Variants in FLG observed in about 807,000 individuals in gnomAD.
FLG encodes the protein epidermal filaggrin.
A neutral mutation model predicts 3.8 loss-of-function variants in FLG; 6 were observed. The observed-to-expected ratio is 1.60, with a 90% CI of 0.87 to 3.15. The LOEUF (loss-of-function observed/expected upper bound fraction) is 3.15, where lower values mean the gene tolerates loss of function less well. Ranked by LOEUF, FLG falls within the 30% of genes most tolerant of loss-of-function variation. FLG has a pLI of 0.00. For missense variants in FLG, 7,595 were observed against 5,050.9 expected (o/e 1.50, Z -15.27); for synonymous variants, 2,551 against 1,931.6 (o/e 1.32, Z -8.41).
In FLG at chr1:152,313,639, C is replaced by T. The variant is rs771978807; in HGVS notation, c.1247G>A (p.Gly416Glu). ...GTCACTGGCCTGACTACCGCTAGAC[C>T]CCCGGTGTCCACGATCGCTGACTGC... ...SSAVSDRGHR[G>E]SSGSQASDSE... is the part of the protein sequence containing the mutation. The change falls in exon 3 of 3, where the codon GGG (glycine) becomes GAG (glutamate). Residue 416 changes from glycine (G) to glutamate (E), a missense_variant. Coordinates refer to ENST00000368799, the MANE Select transcript of FLG (RefSeq NM_002016.2). 5.0e-6 allele frequency: 8 copies of T among 1,613,940 alleles called. No individual in the cohort carries two copies. Among genetic ancestry groups the T allele is most frequent in the African/African-American group, 2.7e-5 (2 of 74,858 alleles).
chr1:152,303,284 C>T lies in FLG; in HGVS notation c.11602G>A (p.Asp3868Asn). 2 of 1,614,146 alleles carry T rather than the reference C, an allele frequency of 1.2e-6. No homozygotes were observed. The highest frequency in any genetic ancestry group is 8.5e-7 in the Non-Finnish European group (1 of 1,180,032). ...GAGTCCTCTGGGTATGCCTCACTGT[C>T]ACTGTCCTGGCTAACACTGGATCCC... ...RQGSSVSQDS[D>N]SEAYPEDSER... The change falls in exon 3 of 3, where the codon GAC (aspartate) becomes AAC (asparagine). Residue 3868 changes from aspartate (D) to asparagine (N), a missense_variant. Transcript: ENST00000368799.
chr1:152,307,997 C>G lies in FLG; in HGVS notation c.6889G>C (p.Glu2297Gln). 1 of 1,614,208 alleles carries G rather than the reference C, an allele frequency of 6.2e-7. No individual in the cohort carries two copies. The highest frequency in any genetic ancestry group is 8.5e-7 in the Non-Finnish European group (1 of 1,180,046). ...EDRAGHGHSAESSRQSGTHHA... is the reference protein window; with the variant it reads ...EDRAGHGHSAQSSRQSGTHHA... Reference sequence around the variant, plus strand: ...TGAGTGCCTGATTGTCTGGAGCTCTCTGCAGAGTGCCCATGACCGGCTCTG... The same window carrying G: ...TGAGTGCCTGATTGTCTGGAGCTCTGTGCAGAGTGCCCATGACCGGCTCTG... Residue 2297 changes from glutamate (E) to glutamine (Q), a missense_variant, in exon 3 of 3, where the codon GAG (glutamate) becomes CAG (glutamine). Glu to Gln is a conservative substitution (Grantham distance 29, BLOSUM62 2). Transcript: ENST00000368799.
In FLG at chr1:152,311,659, C is replaced by G. The variant is rs776330929; in HGVS notation, c.3227G>C (p.Gly1076Ala). Reference protein sequence around the residue: ...SSGSQASDSEGHSEESDTQSV... With the variant: ...SSGSQASDSEAHSEESDTQSV... ...CTGTGTGTCTGACTCCTCTGAATGTCCCTCACTATCACTGGCCTGACTACC... is the reference window on the plus strand; with the variant it reads ...CTGTGTGTCTGACTCCTCTGAATGTGCCTCACTATCACTGGCCTGACTACC... Residue 1076 changes from glycine to alanine, a missense_variant, in exon 3 of 3, where the codon GGA (glycine) becomes GCA (alanine). Transcript: ENST00000368799. 1 of 1,614,162 alleles carries G rather than the reference C, an allele frequency of 6.2e-7. No individual in the cohort carries two copies. The highest frequency in any genetic ancestry group is 8.5e-7 in the Non-Finnish European group (1 of 1,180,026).
Position 152,309,476 on chromosome 1 carries a change from A to G in FLG, c.5410T>C (p.Ser1804Pro). Residue 1804 changes from serine (S) to proline (P), a missense_variant, in exon 3 of 3, where the codon TCA (serine) becomes CCA (proline). Physicochemically the swap from Ser to Pro is moderately conservative, Grantham distance 74. Transcript: ENST00000368799. ...GTGTCCTGACCCTCTTGGGACGCTG[A>G]GTGCCTGGAGCTGTCTCGTGCCTGC... The part of the protein sequence containing the change: ...HEQARDSSRH[S>P]ASQEGQDTIR... The G allele has an allele frequency of 6.2e-7, 1 of 1,613,722 alleles. No homozygotes were observed. Among genetic ancestry groups the G allele is most frequent in the Non-Finnish European group, 8.5e-7 (1 of 1,179,942 alleles).
rs767171957 is a variant in FLG at position 152,308,881 on chromosome 1, C to T, written c.6005G>A (p.Gly2002Glu). ...SSHEQARSSA[G>E]ERHGSHHQLQ... ...CTGGTGGTGGGATCCATGTCTTTCT[C>T]CTGCACTTGATCTTGCCTGTTCATG... The change falls in exon 3 of 3, where the codon GGA becomes GAA. Residue 2002 changes from glycine to glutamate, a missense_variant. Gly to Glu is a moderately conservative substitution (Grantham distance 98). Coordinates refer to ENST00000368799, the MANE Select transcript of FLG (RefSeq NM_002016.2). The T allele has an allele frequency of 6.8e-6, 11 of 1,614,068 alleles. No individual in the cohort carries two copies. The East Asian group carries it at 2.2e-4, about 33-fold the overall frequency.
intron 1 of FLG, among the ~76,000 whole-genome samples, chr1:152,324,059 T>G (rs1329634841): frequency 2.0e-5 from 3 of 151,482 alleles, no homozygotes; most frequent in South Asian, 2.1e-4. Context: ...ATCAGTGTGA[T>G]GAGAAAACAG....
Position 152,309,433 on chromosome 1 carries a change from C to T in FLG, c.5453G>A (p.Gly1818Glu), listed in dbSNP as rs1570905464. 6.2e-7 allele frequency: 1 copy of T among 1,613,286 alleles called. No individual in the cohort carries two copies. Among genetic ancestry groups the T allele is most frequent in the Admixed American group, 1.7e-5 (1 of 59,912 alleles). The change falls in exon 3 of 3, where the codon GGG becomes GAG. Residue 1818 changes from glycine (G) to glutamate (E), a missense_variant. By Grantham distance (98) the Gly-to-Glu change is moderately conservative (BLOSUM62 -2). Coordinates refer to ENST00000368799, the MANE Select transcript of FLG (RefSeq NM_002016.2). Reference protein sequence around the residue: ...EGQDTIRGHPGSSRGGRQGSH... With the variant: ...EGQDTIRGHPESSRGGRQGSH... Reference sequence around the variant, plus strand: ...TCCCTGCCTTCCTCCTCTGCTTGACCCTGGGTGTCCACGAATGGTGTCCTG... The same window carrying T: ...TCCCTGCCTTCCTCCTCTGCTTGACTCTGGGTGTCCACGAATGGTGTCCTG...
At position 152,309,713 on chromosome 1, in the gene FLG, G is replaced by T. The variant is rs1372035932; in HGVS notation, c.5173C>A (p.His1725Asn). The T allele has an allele frequency of 5.0e-6, 8 of 1,613,914 alleles. No homozygotes were observed. The highest frequency in any genetic ancestry group is 6.8e-6 in the Non-Finnish European group (8 of 1,180,004). ...SGSQASDSEG[H>N]SEESDTQSVS... Reference sequence around the variant, plus strand: ...GACTGTGTGTCTGACTCTTCTGAGTGTCCCTCGCTGTCACTGGCCTGGCTA... The same window carrying T: ...GACTGTGTGTCTGACTCTTCTGAGTTTCCCTCGCTGTCACTGGCCTGGCTA... Residue 1725 changes from histidine to asparagine, a missense_variant, in exon 3 of 3, where the codon CAC becomes AAC. Coordinates refer to ENST00000368799, the MANE Select transcript of FLG (RefSeq NM_002016.2).
In FLG at chr1:152,307,519, T is replaced by G; in HGVS notation, c.7367A>C (p.Gln2456Pro). The G allele has an allele frequency of 8.1e-6, 13 of 1,613,322 alleles. No individual in the cohort carries two copies. The highest frequency in any genetic ancestry group is 1.1e-5 in the Non-Finnish European group (13 of 1,179,742). Residue 2456 changes from glutamine to proline, a missense_variant, in exon 3 of 3, where the codon CAA becomes CCA. Gln to Pro is a moderately conservative substitution (Grantham distance 76). Transcript: ENST00000368799. ...ARDSSRHSTS[Q>P]EGQDTIHGHP... ...TCCATGAATGGTGTCCTGACCCTCT[T>G]GGGACGTTGAGTGCCTGGAGCTGTC...
chr1:152,311,560 C>A lies in FLG; in HGVS notation c.3326G>T (p.Gly1109Val). The A allele has an allele frequency of 6.2e-7, 1 of 1,613,898 alleles. No individual in the cohort carries two copies. The highest frequency in any genetic ancestry group is 8.5e-7 in the Non-Finnish European group (1 of 1,179,980). Residue 1109 changes from glycine (G) to valine (V), a missense_variant, in exon 3 of 3, where the codon GGA becomes GTA. By Grantham distance (109) the Gly-to-Val change is moderately radical. Coordinates refer to ENST00000368799, the MANE Select transcript of FLG (RefSeq NM_002016.2). ...GAAAGACCCTGAACGTCCAGACCTT[C>A]CCCCTGACCAGTCACGTGCGGACTC... ...HQESARDWSG[G>V]RSGRSGSFIY...
chr1:152,311,982 T>A lies in FLG; in HGVS notation c.2904A>T (p.Arg968Ser). 1 of 1,614,078 alleles carries A rather than the reference T, an allele frequency of 6.2e-7. No individual in the cohort carries two copies. The highest frequency in any genetic ancestry group is 8.5e-7 in the Non-Finnish European group (1 of 1,180,000). The stretch of plus-strand genomic sequence containing the variant: ...GCTCCTGAGCAGATCCACGATGGTT[T>A]CTGGAAGCAGACCCAGACCACCTCT... The part of the protein sequence containing the change: ...DSERWSGSAS[R>S]NHRGSAQEQS... Residue 968 changes from arginine (R) to serine (S), a missense_variant, in exon 3 of 3, where the codon AGA becomes AGT. Coordinates refer to ENST00000368799, the MANE Select transcript of FLG (RefSeq NM_002016.2).
chr1:152,304,319 G>T lies in FLG; in HGVS notation c.10567C>A (p.Gln3523Lys). 6.2e-7 allele frequency: 1 copy of T among 1,610,974 alleles called. No homozygotes were observed. The highest frequency in any genetic ancestry group is 1.7e-5 in the Admixed American group (1 of 59,768). ...ADSSRHSQSG[Q>K]GQSAGPRTSR... The stretch of plus-strand genomic sequence containing the variant: ...GTCCTGGGCCCCGCTGATTGTCCCT[G>T]GCCGGACTGTGAGTGTCTAGAGCTG... Residue 3523 changes from glutamine (Q) to lysine (K), a missense_variant, in exon 3 of 3, where the codon CAG becomes AAG. Physicochemically the swap from Gln to Lys is moderately conservative, Grantham distance 53. Coordinates refer to ENST00000368799, the MANE Select transcript of FLG (RefSeq NM_002016.2).
rs137893305 is a variant in FLG, at chr1:152,306,351, T to C, written c.8535A>G (p.Glu2845=). ...AGTGCCTGGAGCCGTCTCCTGATTG[T>C]TCCTCATTACGTGTTGTTCTGCTTG... ...RSASRTTRNE[E]QSGDGSRHSG... is the part of the protein sequence containing the mutation. The change falls in exon 3 of 3, where the codon GAA becomes GAG. Residue 2845 remains glutamate (E), a synonymous_variant. Coordinates refer to ENST00000368799, the MANE Select transcript of FLG (RefSeq NM_002016.2). 449 of 1,601,778 alleles carry C rather than the reference T, an allele frequency of 2.8e-4. 4 individuals are homozygous for C. The highest frequency in any genetic ancestry group is 3.4e-4 in the Non-Finnish European group (404 of 1,179,778).
Position 152,308,591 on chromosome 1 carries a change from G to T in FLG, c.6295C>A (p.Gln2099Lys). The change falls in exon 3 of 3, where the codon CAG becomes AAG. Residue 2099 changes from glutamine (Q) to lysine (K), a missense_variant. Gln to Lys is a moderately conservative substitution (Grantham distance 53). Coordinates refer to ENST00000368799, the MANE Select transcript of FLG (RefSeq NM_002016.2). ...GACTGTCCATGGGTGGACTCAGACT[G>T]TTCATGAGTGCTCACCTGGTAGAGG... ...SFLYQVSTHEQSESTHGQSAP... is the reference protein window; with the variant it reads ...SFLYQVSTHEKSESTHGQSAP... 1 of 1,614,126 alleles carries T rather than the reference G, an allele frequency of 6.2e-7. No homozygotes were observed. Among genetic ancestry groups the T allele is most frequent in the Non-Finnish European group, 8.5e-7 (1 of 1,180,016 alleles).
rs1428086658 is a variant in FLG, at chr1:152,310,933, C to G, written c.3953G>C (p.Ser1318Thr). ...HPGFHQEDRA[S>T]HGHSADSSRQ... is the part of the protein sequence containing the mutation. ...GGAGCTGTCTGCAGAGTGCCCGTGA[C>G]TGGCTCTGTCTTCTTGATGGAACCC... Residue 1318 changes from serine to threonine, a missense_variant, in exon 3 of 3, where the codon AGT becomes ACT. Coordinates refer to ENST00000368799, the MANE Select transcript of FLG (RefSeq NM_002016.2). 1.2e-6 allele frequency: 2 copies of G among 1,614,042 alleles called. No individual in the cohort carries two copies. Among genetic ancestry groups the G allele is most frequent in the Admixed American group, 1.7e-5 (1 of 60,016 alleles).
At position 152,302,567 on chromosome 1, in the gene FLG, G is replaced by GGTGGTA; in HGVS notation, c.*132_*133insTACCAC. ...AAAAATAAGCTACCACCAAACTAAT[G>GGTGGTA]AAATACTATAGCATATTTTAAACAG... On this transcript the variant is annotated 3_prime_UTR_variant, in exon 3 of 3. Coordinates refer to ENST00000368799, the MANE Select transcript of FLG (RefSeq NM_002016.2). The GGTGGTA allele has an allele frequency of 8.6e-7, 1 of 1,162,710 alleles. No homozygotes were observed. The highest frequency in any genetic ancestry group is 1.6e-5 in the South Asian group (1 of 63,974). The allele number at this position is 1,162,710 out of a possible 1,614,324, so 72.0% of individuals were successfully genotyped here.
chr1:152,311,636 G>A lies in FLG; in HGVS notation c.3250C>T (p.Gln1084Ter), dbSNP rs758675000. The change falls in exon 3 of 3, where the codon CAG (glutamine) becomes TAG (stop). Residue 1084 changes from glutamine (Q) to a stop codon, truncating the protein, a stop_gained. Coordinates refer to ENST00000368799, the MANE Select transcript of FLG (RefSeq NM_002016.2). LOFTEE classifies it low-confidence loss of function (END_TRUNC). ...SEGHSEESDT[Q>*]SVSGHGQDGP... ...TCCTGTCCATGGCCTGACACTGACT[G>A]TGTGTCTGACTCCTCTGAATGTCCC... 1 of 1,614,016 alleles carries A rather than the reference G, an allele frequency of 6.2e-7. No individual in the cohort carries two copies.
In FLG at chr1:152,313,312, C is replaced by G. The variant is rs568179062; in HGVS notation, c.1574G>C (p.Gly525Ala). 1 of 1,613,658 alleles carries G rather than the reference C, an allele frequency of 6.2e-7. No individual in the cohort carries two copies. The highest frequency in any genetic ancestry group is 1.7e-5 in the Admixed American group (1 of 59,968). Reference sequence around the variant, plus strand: ...CTCGTGGTGGGATCCCTGCCTTCCTCCTCTGCTTGACCCCGGGTGTCCACG... The same window carrying G: ...CTCGTGGTGGGATCCCTGCCTTCCTGCTCTGCTTGACCCCGGGTGTCCACG... ...TIRGHPGSSR[G>A]GRQGSHHEQS... Residue 525 changes from glycine to alanine, a missense_variant, in exon 3 of 3, where the codon GGA becomes GCA. By Grantham distance (60) the Gly-to-Ala change is moderately conservative. Coordinates refer to ENST00000368799, the MANE Select transcript of FLG (RefSeq NM_002016.2).
chr1:152,309,764 C>T lies in FLG; in HGVS notation c.5122G>A (p.Asp1708Asn), dbSNP rs112510657. ...GRRQDSSVVG[D>N]SGNRGSSGSQ... ...CCACTGGACCCTCGGTTTCCACTGT[C>T]TCCGACTACAGATGAATCTTGTCTG... Residue 1708 changes from aspartate (D) to asparagine (N), a missense_variant, in exon 3 of 3, where the codon GAC (aspartate) becomes AAC (asparagine). Asp to Asn is a conservative substitution (Grantham distance 23). Coordinates refer to ENST00000368799, the MANE Select transcript of FLG (RefSeq NM_002016.2). 3.7e-4 allele frequency: 595 copies of T among 1,613,948 alleles called. 8 individuals are homozygous for T. The African/African-American group carries it at 5.7e-3, about 15-fold the overall frequency.
Sources: gnomAD v4.1 joint callset for allele counts (sites outside exome capture counted in the v4.1 genomes callset) on GRCh38, gnomAD v4.1.1 for gene constraint, MANE v1.5 for transcripts, NCBI Gene and HGNC (gene_info 2026-07-23, HGNC 2026-07-21) for gene names.